MCTP1: variants seen among roughly 807,000 people sequenced by gnomAD.
The protein encoded by MCTP1 is multiple C2 and transmembrane domain-containing protein 1.
MCTP1 carries 69 observed loss-of-function variants against 120.6 expected under a neutral mutation model. That is an observed-to-expected ratio of 0.57 (90% CI 0.47 to 0.70). The LOEUF (loss-of-function observed/expected upper bound fraction) is 0.70, where lower values mean the gene tolerates loss of function less well. Ranked by LOEUF, MCTP1 falls within the 30% of genes least tolerant of loss-of-function variation. The pLI is 0.00. For synonymous variants in MCTP1, 529 were observed against 493.1 expected (o/e 1.07, Z -0.96); for missense variants, 1,203 against 1,248.8 (o/e 0.96, Z 0.55).
chr5:95,107,990 C>T (rs1466964311), intron 1 of MCTP1, among the ~76,000 whole-genome samples: 2 of 152,176 alleles, frequency 1.3e-5, no homozygotes. Flanking sequence ...CATTCTGAAG[C>T]ACTATGACAT....
intron 19 of MCTP1, among the ~76,000 whole-genome samples, chr5:94,715,363 C>CAAAAAAAAAAA (rs35567390): frequency 2.8e-5 from 2 of 70,526 alleles, no homozygotes; most frequent in African/African-American, 1.1e-4. Context: ...ATGAAAACTA[C>CAAAAAAAAAAA]AAAAAAAAAA....
At chr5:95,103,763 T>C (rs923619731) in intron 1 of MCTP1, among the ~76,000 whole-genome samples, 13 of 152,196 alleles carry the variant, frequency 8.5e-5, no homozygotes, top group African/African-American at 3.1e-4. Context: ...ACAGTTTCCA[T>C]GCTGGTGGGT....
chr5:95,172,590 A>G lies in MCTP1; in HGVS notation c.720+111266T>C, dbSNP rs951819738. ...ATTATTACTTTCTTCATATCAAACT[A>G]TTTTTTTTTTGGTGCCTGTATGATG... On this transcript the variant is annotated intron_variant, in intron 1 of 22. Transcript: ENST00000515393. Among the ~76,000 whole-genome samples the G allele has an allele frequency of 3.3e-5, 5 of 150,538 alleles. No homozygotes were observed. In the East Asian group the frequency reaches 9.8e-4, roughly 30 times the overall value.
chr5:94,866,337 A>G (rs1796785126), intron 17 of MCTP1, among the ~76,000 whole-genome samples: 1 of 151,878 alleles, frequency 6.6e-6, no homozygotes, highest in Admixed American at 6.6e-5. Flanking sequence ...GTGCAGGTCT[A>G]ATAAATGACA....
intron 1 of MCTP1, among the ~76,000 whole-genome samples, chr5:95,098,595 CAAACCACTGCTCAAGG>C (rs1426137514): frequency 1.3e-5 from 2 of 151,676 alleles, no homozygotes; most frequent in Non-Finnish European, 2.9e-5. Context: ...AGGAGAACTA[CAAACCACTGCTCAAGG>C]AAATAAAAGA....
chr5:95,117,557 T>G (rs1582286162), intron 1 of MCTP1, among the ~76,000 whole-genome samples: 1 of 152,160 alleles, frequency 6.6e-6, no homozygotes, highest in East Asian at 1.9e-4. Flanking sequence ...GCTTTCACAC[T>G]GTTGGTGGGA....
chr5:94,900,043 G>A (rs534683013), intron 10 of MCTP1, among the ~76,000 whole-genome samples: 7 of 152,166 alleles, frequency 4.6e-5, no homozygotes, highest in African/African-American at 1.2e-4. Flanking sequence ...CACTATTTAC[G>A]AGATATCCTT....
At chr5:94,996,366 T>C (rs745977369) in intron 2 of MCTP1, among the ~76,000 whole-genome samples, 1 of 152,212 alleles carries the variant, frequency 6.6e-6, no homozygotes, top group African/African-American at 2.4e-5. Flanking sequence ...GTTGTCAACT[T>C]CAGGCAATGC....
chr5:94,942,345 T>C lies in MCTP1; in HGVS notation c.1061+3A>G, dbSNP rs370289762. 5 of 1,609,154 alleles carry C rather than the reference T, an allele frequency of 3.1e-6. No individual in the cohort carries two copies. Among genetic ancestry groups the C allele is most frequent in the African/African-American group, 2.7e-5 (2 of 74,680 alleles). ...GGTGATATTACAGCAGTTCAAAAGT[T>C]ACCTGTTTAACTCCAATTGTGTCAG... On this transcript the variant is annotated splice_donor_region_variant and intron_variant, in intron 4 of 22. Transcript: ENST00000515393.
chr5:94,891,060 G>A (rs1464854500), intron 11 of MCTP1, among the ~76,000 whole-genome samples: 5 of 152,138 alleles, frequency 3.3e-5, no homozygotes, highest in African/African-American at 9.7e-5. Flanking sequence ...TATCAGTCCC[G>A]TATGACCAGT....
chr5:95,180,605 G>A (rs913353503), intron 1 of MCTP1, among the ~76,000 whole-genome samples: 13 of 151,924 alleles, frequency 8.6e-5, no homozygotes, highest in Admixed American at 7.9e-4. Flanking sequence ...GGGCACTACC[G>A]GGTATAGTCC....
At chr5:95,184,239 T>C (rs752506150) in intron 1 of MCTP1, among the ~76,000 whole-genome samples, 10 of 152,164 alleles carry the variant, frequency 6.6e-5, no homozygotes, top group African/African-American at 1.4e-4. Context: ...CTCCAACTTC[T>C]AGATATTTGC....
chr5:94,847,676 GTGTGTGTATA>G (rs1561741170), intron 17 of MCTP1, among the ~76,000 whole-genome samples: 1 of 132,520 alleles, frequency 7.5e-6, no homozygotes. Context: ...GTGTGTGTGT[GTGTGTGTATA>G]TATATATATA....
intron 1 of MCTP1, among the ~76,000 whole-genome samples, chr5:95,020,793 T>C (rs746200197): frequency 2.6e-5 from 4 of 152,060 alleles, no homozygotes; most frequent in Admixed American, 6.6e-5. Flanking sequence ...GGAACCTATG[T>C]GTTTTCTTAG....
At chr5:94,816,845 A>T (rs951435849) in intron 17 of MCTP1, among the ~76,000 whole-genome samples, 3 of 152,178 alleles carry the variant, frequency 2.0e-5, no homozygotes, top group Non-Finnish European at 2.9e-5. Flanking sequence ...AAGATTATTG[A>T]ATATAAATGA....
intron 9 of MCTP1, among the ~76,000 whole-genome samples, chr5:94,912,343 T>C (rs1311392659): frequency 6.9e-6 from 1 of 145,626 alleles, no homozygotes; most frequent in Non-Finnish European, 1.5e-5. Context: ...GAGAATTGCT[T>C]GAACCCGGGA....
intron 8 of MCTP1, among the ~76,000 whole-genome samples, chr5:94,914,943 C>T (rs1809680307): frequency 6.6e-6 from 1 of 152,186 alleles, no homozygotes; most frequent in Non-Finnish European, 1.5e-5. Context: ...TTAACCACTT[C>T]TGCTGCTGTT....
At chr5:94,786,054 T>C (rs952906201) in intron 18 of MCTP1, among the ~76,000 whole-genome samples, 9 of 152,228 alleles carry the variant, frequency 5.9e-5, no homozygotes, top group African/African-American at 2.2e-4. Flanking sequence ...CTTTAAAGAA[T>C]ATACTTTGAA....
rs575890920 is a variant in MCTP1, at chr5:94,903,466, A to G, written c.1652+5785T>C. Among the ~76,000 whole-genome samples, 4 of 152,326 alleles carry G rather than the reference A, an allele frequency of 2.6e-5. No homozygotes were observed. In the South Asian group the frequency reaches 8.3e-4, roughly 32 times the overall value. ...TGAACACACATTTGTGTTCATCTAAACAGTTCACATTCTCTTCTCTTCAGC... is the reference window on the plus strand; with the variant it reads ...TGAACACACATTTGTGTTCATCTAAGCAGTTCACATTCTCTTCTCTTCAGC... On this transcript the variant is annotated intron_variant, in intron 10 of 22. Transcript: ENST00000515393.
Sources: gnomAD v4.1 joint callset for allele counts (sites outside exome capture counted in the v4.1 genomes callset) on GRCh38, gnomAD v4.1.1 for gene constraint, MANE v1.5 for transcripts, NCBI Gene and HGNC (gene_info 2026-07-23, HGNC 2026-07-21) for gene names.